HK1: variants seen among roughly 807,000 people sequenced by gnomAD.
HK1 encodes the protein hexokinase-1.
HK1 carries 28 observed loss-of-function variants against 91.6 expected under a neutral mutation model. The observed-to-expected ratio is 0.31, with a 90% confidence interval of 0.23 to 0.42. The LOEUF is 0.42. HK1 is among the 10% of genes least tolerant of loss of function. The pLI, the probability that HK1 is intolerant of heterozygous loss-of-function variation, is 1.00. For missense variants in HK1, 770 were observed against 1,219.8 expected, an observed-to-expected ratio of 0.63 and a Z score of 5.49; for synonymous variants, 430 against 468.1, an observed-to-expected ratio of 0.92 and a Z score of 1.05.
At chr10:69,274,335 C>T (rs1333694931) in intron 1 of HK1, among the ~76,000 whole-genome samples, 3 of 152,068 alleles carry the variant, frequency 2.0e-5, no homozygotes, top group South Asian at 2.1e-4. Flanking sequence ...CAGTGGCTCA[C>T]GTTTCTAATC....
intron 2 of HK1, among the ~76,000 whole-genome samples, chr10:69,350,110 C>T (rs1477672324): frequency 6.6e-6 from 1 of 152,180 alleles, no homozygotes; most frequent in Non-Finnish European, 1.5e-5. Context: ...CCTTGCTCCC[C>T]ATGGACCTGT....
chr10:69,319,969 G>T (rs1181001860), intron 1 of HK1, among the ~76,000 whole-genome samples: 5 of 152,330 alleles, frequency 3.3e-5, no homozygotes, highest in African/African-American at 1.2e-4. Context: ...GCTGGGGTTA[G>T]CTGGGATGGA....
chr10:69,288,631 T>A (rs1845138776), intron 2 of HK1: 2 of 953,796 alleles, frequency 2.1e-6, no homozygotes, highest in Non-Finnish European at 3.5e-6. Flanking sequence ...AGACCGACAA[T>A]CCTCTGACCC....
chr10:69,376,328 G>GCAGCATA (rs1177044669), intron 7 of HK1, among the ~76,000 whole-genome samples: 6 of 152,010 alleles, frequency 3.9e-5, no homozygotes, highest in Non-Finnish European at 8.8e-5. Flanking sequence ...ACCAGCCTAG[G>GCAGCATA]CAGCATAAGG....
upstream of HK1, among the ~76,000 whole-genome samples, chr10:69,310,938 T>C (rs1846341855): frequency 6.6e-6 from 1 of 151,862 alleles, no homozygotes; most frequent in Admixed American, 6.6e-5. Flanking sequence ...GCACCTGTAA[T>C]CCCAGCTACT....
At chr10:69,288,406 C>G (rs928933797) in intron 2 of HK1, among the ~76,000 whole-genome samples, 8 of 152,064 alleles carry the variant, frequency 5.3e-5, no homozygotes, top group African/African-American at 9.7e-5. Context: ...CCCAGGAGTT[C>G]GAAACCAGCC....
At chr10:69,353,322 C>G (rs1848972196) in intron 2 of HK1, among the ~76,000 whole-genome samples, 1 of 152,228 alleles carries the variant, frequency 6.6e-6, no homozygotes, top group African/African-American at 2.4e-5. Flanking sequence ...GGTATGATGG[C>G]TCACGCCTGT....
At chr10:69,376,201 C>T (rs922704881) in intron 7 of HK1, among the ~76,000 whole-genome samples, 1 of 152,176 alleles carries the variant, frequency 6.6e-6, no homozygotes, top group Non-Finnish European at 1.5e-5. Context: ...CACCTCCTAT[C>T]CACAGGGCTT....
intron 3 of HK1, among the ~76,000 whole-genome samples, chr10:69,361,243 C>G (rs772477359): frequency 1.3e-5 from 2 of 152,178 alleles, no homozygotes; most frequent in Non-Finnish European, 2.9e-5. Context: ...AGTAGGCCAC[C>G]AAAGCTGGGT....
At chr10:69,356,654 G>A (rs1024693991) in intron 2 of HK1, among the ~76,000 whole-genome samples, 4 of 152,104 alleles carry the variant, frequency 2.6e-5, no homozygotes, top group Admixed American at 6.5e-5. Flanking sequence ...GGAGGCCGAC[G>A]CAGGCGGATC....
chr10:69,323,364 A>AT (rs1215250097), intron 1 of HK1, among the ~76,000 whole-genome samples: 1 of 151,610 alleles, frequency 6.6e-6, no homozygotes, highest in Non-Finnish European at 1.5e-5. Context: ...TTAAAAAAAA[A>AT]TTTTTTTTAG....
intron 1 of HK1, among the ~76,000 whole-genome samples, chr10:69,277,968 G>A (rs1166903012): frequency 6.6e-6 from 1 of 152,112 alleles, no homozygotes; most frequent in Non-Finnish European, 1.5e-5. Flanking sequence ...GGGAGGCGAA[G>A]GTTGCAGTGA....
intron 1 of HK1, among the ~76,000 whole-genome samples, chr10:69,335,124 C>T (rs529136236): frequency 3.7e-4 from 57 of 152,238 alleles, no homozygotes; most frequent in Non-Finnish European, 6.3e-4. Flanking sequence ...GCTCAGAGAC[C>T]GGCTGCCGAG....
chr10:69,315,837 C>G (rs1360928674), upstream of HK1: 4 of 978,338 alleles, frequency 4.1e-6, no homozygotes, highest in African/African-American at 1.6e-5. Context: ...GGCTGGGCAT[C>G]AGGACTAGGC....
Position 69,343,980 on chromosome 10 carries a change from G to C in HK1, c.217G>C (p.Asp73His). 4 of 1,614,170 alleles carry C rather than the reference G, an allele frequency of 2.5e-6. No individual in the cohort carries two copies. The highest frequency in any genetic ancestry group is 3.4e-6 in the Non-Finnish European group (4 of 1,179,994). ...GCCAACATTCGTAAGGTCCATTCCT[G>C]ATGGCTCTGGTAAGTCTGTCACCCA... The part of the protein sequence containing the change: ...MLPTFVRSIP[D>H]GSEKGDFIAL... Residue 73 changes from aspartate to histidine, a missense_variant, in exon 2 of 18, where the codon GAT becomes CAT. Asp to His is a moderately conservative substitution (Grantham distance 81). Around this residue, in one of 7 missense-constraint regions of HK1, gnomAD observed 449 missense variants for 665.1 expected, o/e 0.68. Coordinates refer to ENST00000359426, the MANE Select transcript of HK1 (RefSeq NM_000188.3).
chr10:69,311,080 G>C (rs573332287), upstream of HK1, among the ~76,000 whole-genome samples: 1 of 151,994 alleles, frequency 6.6e-6, no homozygotes, highest in African/African-American at 2.4e-5. Context: ...AGTGATAAGG[G>C]GTTGTGGAGA....
chr10:69,279,173 G>A lies in HK1; in HGVS notation c.-390-3356G>A, dbSNP rs553263031. On this transcript the variant is annotated intron_variant, in intron 1 of 21. Transcript: ENST00000360289. ...CCTAGGGAGCACTGGTTGGTGGTGGGAGGCCCAGGCTGAGAGGCAGGTCTC... is the reference window on the plus strand; with the variant it reads ...CCTAGGGAGCACTGGTTGGTGGTGGAAGGCCCAGGCTGAGAGGCAGGTCTC... Among the ~76,000 whole-genome samples, 10 of 152,316 alleles carry A rather than the reference G, an allele frequency of 6.6e-5. No homozygotes were observed. In the South Asian group the frequency reaches 1.9e-3, roughly 28 times the overall value.
At position 69,344,643 on chromosome 10, in the gene HK1, G is replaced by GC. The variant is rs994007132; in HGVS notation, c.226+659dup. Among the ~76,000 whole-genome samples, 7 of 152,212 alleles carry GC rather than the reference G, an allele frequency of 4.6e-5. 1 individual carries two copies. The South Asian group carries it at 6.2e-4, about 14-fold the overall frequency. On this transcript the variant is annotated intron_variant, in intron 2 of 17. Transcript: ENST00000359426. ...CCCTGCAGTGGGGCGTTGGGGGAGG[G>GC]CCCCCTGAGGATTGTCTGTTTCTCC...
intron 2 of HK1, among the ~76,000 whole-genome samples, chr10:69,347,538 C>A (rs1292808658): frequency 3.3e-5 from 5 of 151,730 alleles, no homozygotes; most frequent in Non-Finnish European, 7.4e-5. Flanking sequence ...CGGGTTCAAG[C>A]AATTCTCCGG....
Sources: allele counts gnomAD v4.1 joint callset (sites outside exome capture counted in the v4.1 genomes callset), GRCh38; gene constraint gnomAD v4.1.1; regional missense constraint gnomAD v4.1.1; transcripts MANE v1.5; gene names NCBI Gene and HGNC (gene_info 2026-07-23, HGNC 2026-07-21).